The following NTNG2 variants were observed in gnomAD, a reference collection of about 807,000 sequenced individuals.
The protein encoded by NTNG2 is netrin G2, also known as netrin-G2.
Under a neutral mutation model 47.6 loss-of-function variants are expected in NTNG2, and 15 were observed. The ratio of observed to expected loss-of-function variants is 0.32; its 90% CI spans 0.21 to 0.49. NTNG2 has a LOEUF of 0.49. NTNG2 is among the 20% of genes least tolerant of loss of function. NTNG2 has a pLI of 0.99. For synonymous variants in NTNG2, 307 were observed against 324.6 expected, an observed-to-expected ratio of 0.95 and a Z score of 0.58; for missense variants, 578 against 764.6, an observed-to-expected ratio of 0.76 and a Z score of 2.88.
chr9:132,243,181 T>C lies in NTNG2; in HGVS notation c.*1070T>C, dbSNP rs1250387899. The C allele has an allele frequency of 6.6e-6, 1 of 152,188 alleles. No homozygotes were observed. Among genetic ancestry groups the C allele is most frequent in the Non-Finnish European group, 1.5e-5 (1 of 68,050 alleles). The allele number at this position is 152,188 out of a possible 1,614,324, so 9.4% of individuals were successfully genotyped here. On this transcript the variant is annotated 3_prime_UTR_variant, in exon 8 of 8. Transcript: ENST00000393229. ...CTAGCAGAGGTTGAATCCAATGCTC[T>C]GATTTATACTGTGTCTCGGTGGCCA...
intron 2 of NTNG2, among the ~76,000 whole-genome samples, chr9:132,187,154 G>A (rs1837453770): frequency 1.3e-5 from 2 of 152,246 alleles, no homozygotes; most frequent in African/African-American, 4.8e-5. Flanking sequence ...GCCCACTGTG[G>A]CCCCCCTGGG....
At chr9:132,223,952 C>T (rs1840541350) in intron 3 of NTNG2, among the ~76,000 whole-genome samples, 1 of 152,186 alleles carries the variant, frequency 6.6e-6, no homozygotes, top group Non-Finnish European at 1.5e-5. Flanking sequence ...GGTGGAACTT[C>T]TTTCAGCCCT....
intron 2 of NTNG2, among the ~76,000 whole-genome samples, chr9:132,181,064 T>C (rs187234420): frequency 1.8e-3 from 267 of 152,312 alleles, no homozygotes; most frequent in African/African-American, 6.0e-3. Context: ...TCCCTGTAAT[T>C]GTCTGGTCCA....
At chr9:132,213,847 G>A (rs1266547728) in intron 3 of NTNG2, among the ~76,000 whole-genome samples, 2 of 152,168 alleles carry the variant, frequency 1.3e-5, no homozygotes, top group African/African-American at 2.4e-5. Flanking sequence ...CAGTATACAC[G>A]ACATGTAATA....
chr9:132,207,938 G>A lies in NTNG2; in HGVS notation c.857+9329G>A, dbSNP rs866521447. ...GGGCCACATGGTGAAACCCCATCACGACAAAAAATACAAAAATTAGCCAGG... is the reference window on the plus strand; with the variant it reads ...GGGCCACATGGTGAAACCCCATCACAACAAAAAATACAAAAATTAGCCAGG... On this transcript the variant is annotated intron_variant, in intron 3 of 7. Transcript: ENST00000393229. Among the ~76,000 whole-genome samples the A allele has an allele frequency of 4.1e-4, 62 of 152,156 alleles. No homozygotes were observed. In the Middle Eastern group the frequency reaches 0.01, roughly 25 times the overall value.
intron 1 of NTNG2, among the ~76,000 whole-genome samples, chr9:132,165,222 T>C (rs1167360420): frequency 6.6e-6 from 1 of 152,176 alleles, no homozygotes; most frequent in Non-Finnish European, 1.5e-5. Context: ...ACGTATCCAG[T>C]GTCTGGAACA....
intron 3 of NTNG2, among the ~76,000 whole-genome samples, chr9:132,220,461 CTTTTT>C (rs201197800): frequency 7.3e-6 from 1 of 137,510 alleles, no homozygotes; most frequent in Non-Finnish European, 1.6e-5. Context: ...TTTCCTTCTT[CTTTTT>C]TTTTTTTTTT....
chr9:132,175,453 GT>G (rs1291900901), intron 2 of NTNG2, among the ~76,000 whole-genome samples: 1 of 152,216 alleles, frequency 6.6e-6, no homozygotes. Flanking sequence ...GGACCACGTG[GT>G]TGCTGAGCCA....
Position 132,182,828 on chromosome 9 carries a change from C to T in NTNG2, c.214-15138C>T, listed in dbSNP as rs976998730. 2.0e-5 allele frequency among the ~76,000 whole-genome samples: 3 copies of T among 152,214 alleles called. No homozygotes were observed. The highest frequency in any genetic ancestry group is 1.9e-4 in the East Asian group (1 of 5,188). ...GGACCAGGCTGCCCTCTAAGCCACT[C>T]GGCTGGCTCTCAGCCGGGGTGCACA... is the stretch of plus-strand genomic sequence containing the variant. On this transcript the variant is annotated intron_variant, in intron 2 of 7. Coordinates refer to ENST00000393229, the MANE Select transcript of NTNG2 (RefSeq NM_032536.4). This position sits in a 1 kb window ranked among gnomAD's most constrained non-coding sequence, Gnocchi z 4.2.
intron 3 of NTNG2, among the ~76,000 whole-genome samples, chr9:132,209,543 T>G (rs1471795646): frequency 1.3e-5 from 2 of 152,174 alleles, no homozygotes; most frequent in Non-Finnish European, 2.9e-5. Flanking sequence ...GAGCGGTTCC[T>G]GCAGGGCAGC....
chr9:132,213,434 C>A (rs549078534), intron 3 of NTNG2, among the ~76,000 whole-genome samples: 3 of 152,180 alleles, frequency 2.0e-5, no homozygotes, highest in Non-Finnish European at 4.4e-5. Flanking sequence ...TTGGCCACGG[C>A]CACCCACCGG....
rs571201752 is a variant in NTNG2 at position 132,227,083 on chromosome 9, C to T, written c.1030+62C>T. ...CTATAATCTTCCCTGCCCGTCAATC[C>T]CAGGAGCTGTGGATCATACACACGC... On this transcript the variant is annotated intron_variant, in intron 4 of 7. Coordinates refer to ENST00000393229, the MANE Select transcript of NTNG2 (RefSeq NM_032536.4). 170 of 1,498,490 alleles carry T rather than the reference C, an allele frequency of 1.1e-4. 1 individual carries two copies. In the African/African-American group the frequency reaches 2.2e-3, roughly 19 times the overall value. 92.8% of individuals were successfully genotyped at this position (1,498,490 alleles called of 1,614,324 possible).
intron 2 of NTNG2, among the ~76,000 whole-genome samples, chr9:132,177,239 G>A (rs554673740): frequency 6.7e-4 from 102 of 152,282 alleles, no homozygotes; most frequent in African/African-American, 2.4e-3. Context: ...TGCCCGCCTG[G>A]GCCTCCCGAA....
chr9:132,174,497 T>A (rs1836257286), intron 2 of NTNG2, among the ~76,000 whole-genome samples: 1 of 152,212 alleles, frequency 6.6e-6, no homozygotes, highest in Admixed American at 6.5e-5. Context: ...AAGTCCCTTG[T>A]GACCCTGAGC....
At chr9:132,230,173 A>G (rs191525259) in intron 4 of NTNG2, among the ~76,000 whole-genome samples, 1 of 151,852 alleles carries the variant, frequency 6.6e-6, no homozygotes, top group Non-Finnish European at 1.5e-5. Flanking sequence ...CTTCTTAGAC[A>G]GGAACACTCC....
intron 4 of NTNG2, 46 bp from the exon 5 acceptor site, chr9:132,230,525 GC>G (rs1564439396): frequency 6.4e-7 from 1 of 1,574,610 alleles, no homozygotes. Context: ...TGACACCCAG[GC>G]CCCTTCCCCT....
At position 132,231,850 on chromosome 9, in the gene NTNG2, C is replaced by CACCGAGAT; in HGVS notation, c.1054+1255_1054+1256insACCGAGAT. The CACCGAGAT allele has an allele frequency of 1.3e-5, 2 of 158,564 alleles. No homozygotes were observed. Among genetic ancestry groups the CACCGAGAT allele is most frequent in the Admixed American group, 6.0e-5 (1 of 16,682 alleles). The allele number at this position is 158,564 out of a possible 1,614,324, so 9.8% of individuals were successfully genotyped here. On this transcript the variant is annotated intron_variant, in intron 5 of 7. Transcript: ENST00000393229. The surrounding 1 kb of genome is among the most constrained non-coding windows in gnomAD (Gnocchi z 4.1). ...CCCTCTCCTGCTTCTAGCCTGGGTC[C>CACCGAGAT]CTGCCTCTCTTGGGGTGGGAGGGTC...
chr9:132,235,409 A>G (rs975094887), intron 5 of NTNG2, among the ~76,000 whole-genome samples: 6 of 152,252 alleles, frequency 3.9e-5, no homozygotes, highest in Admixed American at 1.3e-4. Context: ...GCATGGGTTC[A>G]CCTCTCATCT....
At chr9:132,222,841 C>T (rs762864540) in intron 3 of NTNG2, among the ~76,000 whole-genome samples, 3 of 152,166 alleles carry the variant, frequency 2.0e-5, no homozygotes, top group Non-Finnish European at 4.4e-5. Context: ...CGCAATGGCT[C>T]ACACCTATAA....
Sources: gnomAD v4.1 joint callset for allele counts (sites outside exome capture counted in the v4.1 genomes callset) on GRCh38, gnomAD v4.1.1 for gene constraint, Gnocchi (gnomAD v3.1) non-coding constraint, MANE v1.5 for transcripts, NCBI Gene and HGNC (gene_info 2026-07-23, HGNC 2026-07-21) for gene names.